Variants in TASOR2 observed in about 807,000 individuals in gnomAD.
TASOR2 encodes transcription activation suppressor family member 2.
TASOR2 carries 84 observed loss-of-function variants against 199.5 expected under a neutral mutation model. The observed-to-expected ratio is 0.42, with a 90% confidence interval of 0.35 to 0.50. The LOEUF is 0.50. Among genes scored for constraint, TASOR2 ranks in the 20% least tolerant of loss-of-function variants. The pLI, the probability that TASOR2 is intolerant of heterozygous loss-of-function variation, is 0.02. For missense variants in TASOR2, 2,796 were observed against 2,835.9 expected (o/e 0.99, Z 0.32); for synonymous variants, 1,103 against 1,046.6 (o/e 1.05, Z -1.04).
intron 15 of TASOR2, among the ~76,000 whole-genome samples, 160 bp from the exon 17 acceptor site, chr10:5,756,453 A>G (rs1453208677): frequency 6.6e-6 from 1 of 152,194 alleles, no homozygotes; most frequent in African/African-American, 2.4e-5. Context: ...TACCTGATTC[A>G]TTTATTTTAT....
exon 15 of TASOR2, chr10:5,746,243 G>A (rs1311963172): frequency 1.2e-5 from 20 of 1,613,182 alleles, no homozygotes; most frequent in African/African-American, 4.0e-5. Flanking sequence ...TCGGGTATTG[G>A]AAGTACACAA....
At chr10:5,746,347 A>C in exon 15 of TASOR2, 2 of 1,614,216 alleles carry the variant, frequency 1.2e-6, no homozygotes, top group Non-Finnish European at 1.7e-6. Flanking sequence ...TACTCAAGCC[A>C]CATTCACCAG....
chr10:5,703,503 ATTTTTTTTT>A (rs371366460), intron 1 of TASOR2, among the ~76,000 whole-genome samples: 1 of 110,260 alleles, frequency 9.1e-6, no homozygotes, highest in African/African-American at 3.5e-5. Flanking sequence ...GGTTTTTCTG[ATTTTTTTTT>A]TTTTTTTTTT....
rs967418620 is a variant in TASOR2 at position 5,752,511 on chromosome 10, C to G, written c.6606+2484C>G. 6.6e-6 allele frequency among the ~76,000 whole-genome samples: 1 copy of G among 152,212 alleles called. No homozygotes were observed. Among genetic ancestry groups the G allele is most frequent in the Non-Finnish European group, 1.5e-5 (1 of 68,038 alleles). On this transcript the variant is annotated intron_variant, in intron 15 of 20. Coordinates refer to ENST00000328090, the Ensembl canonical transcript of TASOR2. The surrounding 1 kb of genome is among the most constrained non-coding windows in gnomAD (Gnocchi z 4.4). ...CTGGGTCTGTCTCAGACTTCACTTA[C>G]ATCACTTCTGCTGATTTCCTGCGCT...
Position 5,724,648 on chromosome 10 carries a change from G to GATAGATAGATATAGAT in TASOR2, c.351+122_351+123insGATATAGATATAGATA, listed in dbSNP as rs1554764653. 12 of 187,464 alleles carry GATAGATAGATATAGAT rather than the reference G, an allele frequency of 6.4e-5. No individual in the cohort carries two copies. In the South Asian group the frequency reaches 1.3e-3, roughly 20 times the overall value. 11.6% of individuals were successfully genotyped at this position (187,464 alleles called of 1,614,324 possible). ...ATATATATATATAGATAGATAGATA[G>GATAGATAGATATAGAT]ATAGATATAGATATAGATATATAGA... On this transcript the variant is annotated intron_variant, in intron 8 of 20. Coordinates refer to ENST00000328090, the Ensembl canonical transcript of TASOR2.
chr10:5,730,771 A>G lies in TASOR2; in HGVS notation c.772A>G (p.Thr258Ala). The G allele has an allele frequency of 1.2e-6, 2 of 1,614,092 alleles. No homozygotes were observed. The highest frequency in any genetic ancestry group is 1.7e-6 in the Non-Finnish European group (2 of 1,180,010). The change falls in exon 11 of 21, where the codon ACT (threonine) becomes GCT (alanine). Residue 258 changes from threonine (T) to alanine (A), a missense_variant. Transcript: ENST00000328090. The surrounding 1 kb of genome is among the most constrained non-coding windows in gnomAD (Gnocchi z 4.1). ...TGAAAAGTGCCCTTCAGAGTCTTTA[A>G]CTCAGTTGAACTCTTATTTTTCAGA...
chr10:5,730,480 A>G lies in TASOR2; in HGVS notation c.488-7A>G, dbSNP rs911880082. 4.5e-6 allele frequency: 7 copies of G among 1,571,670 alleles called. No homozygotes were observed. The highest frequency in any genetic ancestry group is 6.0e-6 in the Non-Finnish European group (7 of 1,160,864). On this transcript the variant is annotated splice_polypyrimidine_tract_variant and splice_region_variant and intron_variant, in intron 10 of 20. Coordinates refer to ENST00000328090, the Ensembl canonical transcript of TASOR2. The surrounding 1 kb of genome is among the most constrained non-coding windows in gnomAD (Gnocchi z 4.1). ...TCAGATGTTTAATACGTGTGTATAT[A>G]TTCTAGGGGTGAAAGATTTGAAAGT...
chr10:5,752,581 G>A lies in TASOR2; in HGVS notation c.6606+2554G>A, dbSNP rs2131639135. Among the ~76,000 whole-genome samples, 1 of 152,334 alleles carries A rather than the reference G, an allele frequency of 6.6e-6. No homozygotes were observed. The highest frequency in any genetic ancestry group is 2.4e-5 in the African/African-American group (1 of 41,570). On this transcript the variant is annotated intron_variant, in intron 15 of 20. Transcript: ENST00000328090. This position sits in a 1 kb window ranked among gnomAD's most constrained non-coding sequence, Gnocchi z 4.4. The stretch of plus-strand genomic sequence containing the variant: ...GCGAGTCCATGGGGGCTGGATTACT[G>A]AGTAACGAGTTACTTAGTAATGAAG...
chr10:5,755,029 G>C (rs1189602703), intron 15 of TASOR2, among the ~76,000 whole-genome samples: 1 of 116,702 alleles, frequency 8.6e-6, no homozygotes, highest in East Asian at 2.5e-4. Context: ...CTGGGCAACA[G>C]AGCAAGACTC....
exon 15 of TASOR2, chr10:5,746,845 C>G (rs1259239222): frequency 1.2e-6 from 2 of 1,614,184 alleles, no homozygotes; most frequent in Middle Eastern, 1.6e-4. Flanking sequence ...GTGTTCATTA[C>G]AGAAGGAGAC....
In TASOR2 at chr10:5,730,529, TG is replaced by T; in HGVS notation, c.531del (p.Ile178TyrfsTer12). ...GTTGAAGATGACATCTCAATGAAGG[TG>T]ATACCTATTTTATCTACCCTTAATT... On this transcript the variant is annotated frameshift_variant, in exon 11 of 21. Coordinates refer to ENST00000328090, the Ensembl canonical transcript of TASOR2. LOFTEE classifies it high-confidence loss of function. The surrounding 1 kb of genome is among the most constrained non-coding windows in gnomAD (Gnocchi z 4.1). 1 of 1,612,320 alleles carries T rather than the reference TG, an allele frequency of 6.2e-7. No homozygotes were observed. The highest frequency in any genetic ancestry group is 8.5e-7 in the Non-Finnish European group (1 of 1,179,360).
chr10:5,717,822 A>T (rs958749873), intron 3 of TASOR2, 72 bp downstream of exon 4: 1 of 530,024 alleles, frequency 1.9e-6, no homozygotes, highest in South Asian at 1.0e-4. Context: ...TATTCTCTGT[A>T]GATATTAGTT....
At chr10:5,741,012 A>T (rs72774084) in intron 13 of TASOR2, among the ~76,000 whole-genome samples, 14,067 of 152,220 alleles carry the variant, frequency 0.092, 767 homozygotes, top group South Asian at 0.13. Flanking sequence ...GTGTAGACTA[A>T]CCTAGATTTG....
chr10:5,748,040 C>A lies in TASOR2; in HGVS notation c.4619C>A (p.Pro1540His). Residue 1540 changes from proline to histidine, a missense_variant, in exon 15 of 21, where the codon CCT becomes CAT. Transcript: ENST00000328090. This position sits in a 1 kb window ranked among gnomAD's most constrained non-coding sequence, Gnocchi z 5.1. ...GCCAAATGCACAGGTGACTTCAGTC[C>A]TTCTCCTGAAAAACTGGTAAAATCA... The A allele has an allele frequency of 1.2e-6, 2 of 1,614,124 alleles. No homozygotes were observed. The highest frequency in any genetic ancestry group is 1.7e-6 in the Non-Finnish European group (2 of 1,180,020).
rs189912372 is a variant in TASOR2 at position 5,737,597 on chromosome 10, C to T, written c.1448-2021C>T. Among the ~76,000 whole-genome samples the T allele has an allele frequency of 8.3e-4, 127 of 152,184 alleles. 1 individual carries two copies. The highest frequency in any genetic ancestry group is 3.4e-3 in the Middle Eastern group (1 of 294). ...AGCTAGATTTATCCCCACAGGGAGG[C>T]GTTTTCTCATGTTGTGACTGTAACT... is the stretch of plus-strand genomic sequence containing the variant. On this transcript the variant is annotated intron_variant, in intron 12 of 20. Coordinates refer to ENST00000328090, the Ensembl canonical transcript of TASOR2. The surrounding 1 kb of genome is among the most constrained non-coding windows in gnomAD (Gnocchi z 4.9).
chr10:5,763,726 GAC>G (rs1840217902), exon 21 of TASOR2: 1 of 152,110 alleles, frequency 6.6e-6, no homozygotes, highest in African/African-American at 2.4e-5. Context: ...TTTAAATAAA[GAC>G]AACTAAAAAT....
At chr10:5,729,697 G>C (rs1427663443) in intron 10 of TASOR2, among the ~76,000 whole-genome samples, 2 of 152,062 alleles carry the variant, frequency 1.3e-5, no homozygotes, top group Non-Finnish European at 2.9e-5. Flanking sequence ...AAAAAGAATG[G>C]TACAATTTTT....
chr10:5,749,519 C>T, exon 15 of TASOR2: 3 of 1,614,064 alleles, frequency 1.9e-6, no homozygotes, highest in Non-Finnish European at 2.5e-6. Context: ...CATCCTGCAC[C>T]TAGGAGCAGA....
At chr10:5,697,411 T>C (rs1837295104) in intron 1 of TASOR2, among the ~76,000 whole-genome samples, 2 of 152,214 alleles carry the variant, frequency 1.3e-5, no homozygotes, top group African/African-American at 4.8e-5. Flanking sequence ...CAGCAACTTA[T>C]TCATATCCAG....
Sources: gnomAD v4.1 joint callset for allele counts (sites outside exome capture counted in the v4.1 genomes callset) on GRCh38, gnomAD v4.1.1 for gene constraint, Gnocchi (gnomAD v3.1) non-coding constraint, MANE v1.5 for transcripts, NCBI Gene and HGNC (gene_info 2026-07-23, HGNC 2026-07-21) for gene names.